Variants in SNAP23 observed in about 807,000 individuals in gnomAD.
The protein encoded by SNAP23 is synaptosomal-associated protein 23.
In SNAP23, 11 loss-of-function variants were observed where a neutral mutation model predicts 29.0. That is an observed-to-expected ratio of 0.38 (90% CI 0.24 to 0.63). The LOEUF is 0.63. Among genes scored for constraint, SNAP23 ranks in the 20% least tolerant of loss-of-function variants. The pLI, the probability that SNAP23 is intolerant of heterozygous loss-of-function variation, is 0.58. For synonymous variants in SNAP23, 60 were observed against 82.9 expected (o/e 0.72, Z 1.50); for missense variants, 220 against 253.9 (o/e 0.87, Z 0.91).
At chr15:42,511,014 A>G (rs966662188) in intron 1 of SNAP23, among the ~76,000 whole-genome samples, 2 of 152,254 alleles carry the variant, frequency 1.3e-5, no homozygotes, top group African/African-American at 4.8e-5. Context: ...GAAAATTCAT[A>G]CAAAGCTAGC....
At chr15:42,494,395 CTTTT>C (rs775698216), upstream of SNAP23, among the ~76,000 whole-genome samples, 1,492 of 133,968 alleles carry the variant, frequency 0.011, 32 homozygotes, top group African/African-American at 0.039. Flanking sequence ...CCTTGAAGCA[CTTTT>C]TTTTTTTTTT....
chr15:42,519,071 T>C (rs2057422093), intron 5 of SNAP23, among the ~76,000 whole-genome samples: 2 of 150,902 alleles, frequency 1.3e-5, no homozygotes. Context: ...TTTTTTTTTT[T>C]TGAGACGGAG....
rs1167030622 is a variant in SNAP23, at chr15:42,513,423, A to G, written c.124A>G (p.Ile42Val). 6.2e-7 allele frequency: 1 copy of G among 1,613,794 alleles called. No individual in the cohort carries two copies. Among genetic ancestry groups the G allele is most frequent in the African/African-American group, 1.3e-5 (1 of 74,926 alleles). ...IESQDAGIKT[I>V]TMLDEQKEQL... The stretch of plus-strand genomic sequence containing the variant: ...GTCTCAGGATGCAGGAATCAAGACC[A>G]TCACTATGCTGGATGAACAAAAGGG... Residue 42 changes from isoleucine to valine, a missense_variant, in exon 4 of 8, where the codon ATC becomes GTC. Coordinates refer to ENST00000249647, the MANE Select transcript of SNAP23 (RefSeq NM_003825.4).
At chr15:42,514,114 CTTTTGTTTTG>C (rs535020247) in intron 4 of SNAP23, among the ~76,000 whole-genome samples, 3 of 150,134 alleles carry the variant, frequency 2.0e-5, no homozygotes, top group Non-Finnish European at 4.4e-5. Context: ...CGTGCCGGGC[CTTTTGTTTTG>C]TTTTGTTTTG....
At chr15:42,509,237 C>T (rs1176030996) in intron 1 of SNAP23, among the ~76,000 whole-genome samples, 1 of 152,058 alleles carries the variant, frequency 6.6e-6, no homozygotes, top group Non-Finnish European at 1.5e-5. Flanking sequence ...AAGCTTAAGA[C>T]TCAAACAATT....
chr15:42,507,553 C>T (rs376783374), intron 1 of SNAP23, among the ~76,000 whole-genome samples: 2 of 152,146 alleles, frequency 1.3e-5, no homozygotes, highest in Non-Finnish European at 2.9e-5. Context: ...GAGAAAAGTA[C>T]GTTTAATGGC....
At chr15:42,511,476 A>G (rs1567044407) in intron 1 of SNAP23, among the ~76,000 whole-genome samples, 1 of 152,232 alleles carries the variant, frequency 6.6e-6, no homozygotes, top group Admixed American at 6.5e-5. Flanking sequence ...CAGACAACAC[A>G]TGAAGAACAT....
chr15:42,530,618 C>T (rs139106386), intron 7 of SNAP23, among the ~76,000 whole-genome samples: 13 of 152,206 alleles, frequency 8.5e-5, no homozygotes, highest in Admixed American at 3.3e-4. Flanking sequence ...GGCATGGTGG[C>T]ATGTGCCTAT....
intron 3 of SNAP23, 117 bp from the exon 4 acceptor site, chr15:42,513,282 G>A: frequency 2.1e-6 from 2 of 935,440 alleles, no homozygotes; most frequent in Non-Finnish European, 3.5e-6. Flanking sequence ...TCTGTCTGTA[G>A]CTCTAATCCT....
chr15:42,500,162 A>G (rs1305718494), intron 1 of SNAP23, among the ~76,000 whole-genome samples: 2 of 148,040 alleles, frequency 1.4e-5, no homozygotes, highest in Non-Finnish European at 3.0e-5. Context: ...CCCTGAATTC[A>G]GGCTTTCCCC....
At chr15:42,499,352 G>T (rs927713134) in intron 1 of SNAP23, among the ~76,000 whole-genome samples, 2 of 152,158 alleles carry the variant, frequency 1.3e-5, no homozygotes, top group African/African-American at 4.8e-5. Context: ...GATTACAGGC[G>T]TGAGCCACCG....
At chr15:42,505,928 CTTTTCTTTTT>C (rs1046625473) in intron 1 of SNAP23, among the ~76,000 whole-genome samples, 6 of 150,716 alleles carry the variant, frequency 4.0e-5, no homozygotes, top group African/African-American at 9.8e-5. Flanking sequence ...TCTTTCTTTT[CTTTTCTTTTT>C]TTTTCTTTCT....
At chr15:42,528,189 A>T (rs2057522668) in intron 5 of SNAP23, 73 bp from the exon 6 acceptor site, 2 of 1,292,566 alleles carry the variant, frequency 1.5e-6, no homozygotes, top group African/African-American at 2.9e-5. Context: ...TCCTCAAGGT[A>T]ACAGGCACTA....
chr15:42,522,401 T>C (rs185039094), intron 5 of SNAP23, among the ~76,000 whole-genome samples: 142 of 152,322 alleles, frequency 9.3e-4, no homozygotes, highest in African/African-American at 3.2e-3. Flanking sequence ...TAATTTTTCA[T>C]GGGAGGTAAG....
intron 4 of SNAP23, among the ~76,000 whole-genome samples, chr15:42,513,661 A>G (rs1056828314): frequency 1.8e-4 from 27 of 152,196 alleles, no homozygotes; most frequent in Admixed American, 5.9e-4. Flanking sequence ...TATACCAAGT[A>G]TGTGTTAGGC....
In SNAP23 at chr15:42,513,424, T is replaced by G. The variant is rs750313327; in HGVS notation, c.125T>G (p.Ile42Ser). The G allele has an allele frequency of 1.2e-6, 2 of 1,613,674 alleles. No individual in the cohort carries two copies. The highest frequency in any genetic ancestry group is 1.7e-6 in the Non-Finnish European group (2 of 1,179,744). ...TCTCAGGATGCAGGAATCAAGACCA[T>G]CACTATGCTGGATGAACAAAAGGGT... ...IESQDAGIKT[I>S]TMLDEQKEQL... is the part of the protein sequence containing the mutation. Residue 42 changes from isoleucine to serine, a missense_variant, in exon 4 of 8, where the codon ATC (isoleucine) becomes AGC (serine). Transcript: ENST00000249647.
At chr15:42,503,224 T>G (rs951074243) in intron 1 of SNAP23, among the ~76,000 whole-genome samples, 4 of 152,094 alleles carry the variant, frequency 2.6e-5, no homozygotes, top group African/African-American at 9.7e-5. Flanking sequence ...TTTTTTAAGA[T>G]GGAGTCTCGC....
At chr15:42,511,966 A>G in intron 2 of SNAP23, 63 bp downstream of exon 2, 1 of 1,159,950 alleles carries the variant, frequency 8.6e-7, no homozygotes, top group African/African-American at 1.5e-5. Context: ...GAGGAGTGAG[A>G]GAGCCTTCTT....
At chr15:42,524,833 G>C (rs2057483417) in intron 5 of SNAP23, among the ~76,000 whole-genome samples, 1 of 152,144 alleles carries the variant, frequency 6.6e-6, no homozygotes, top group Non-Finnish European at 1.5e-5. Context: ...GCAGCTATCT[G>C]ACAATGCCTT....
Sources: allele counts gnomAD v4.1 joint callset (sites outside exome capture counted in the v4.1 genomes callset), GRCh38; gene constraint gnomAD v4.1.1; transcripts MANE v1.5; gene names NCBI Gene and HGNC (gene_info 2026-07-23, HGNC 2026-07-21).